Variants in UNC5D observed in about 807,000 individuals in gnomAD.
The protein encoded by UNC5D is netrin receptor UNC5D.
UNC5D carries 39 observed loss-of-function variants against 105.4 expected under a neutral mutation model. The observed-to-expected ratio is 0.37, with a 90% CI of 0.29 to 0.48. The LOEUF (loss-of-function observed/expected upper bound fraction) is 0.48. Ranked by LOEUF, UNC5D falls within the 20% of genes least tolerant of loss-of-function variation. The pLI is 0.98. For missense variants in UNC5D, 991 were observed against 1,202.4 expected (o/e 0.82, Z 2.60); for synonymous variants, 452 against 450.4 (o/e 1.00, Z -0.04).
chr8:35,690,480 A>C (rs1826316029), intron 7 of UNC5D, among the ~76,000 whole-genome samples: 6 of 152,090 alleles, frequency 3.9e-5, no homozygotes, highest in African/African-American at 1.4e-4. Flanking sequence ...AATAAAAATT[A>C]AAAAAATATA....
chr8:35,357,480 G>T (rs146898943), intron 1 of UNC5D, among the ~76,000 whole-genome samples: 139 of 152,270 alleles, frequency 9.1e-4, no homozygotes, highest in African/African-American at 3.3e-3. Context: ...TTAGGTCTCA[G>T]ATTGGATGAT....
At chr8:35,387,374 A>AAAAG (rs1245280726) in intron 1 of UNC5D, among the ~76,000 whole-genome samples, 1 of 149,508 alleles carries the variant, frequency 6.7e-6, no homozygotes, top group Admixed American at 6.7e-5. Context: ...AAAAAAAAAA[A>AAAAG]AGAGAAACGC....
chr8:35,280,359 G>A (rs1468711841), intron 1 of UNC5D, among the ~76,000 whole-genome samples: 1 of 152,188 alleles, frequency 6.6e-6, no homozygotes, highest in Non-Finnish European at 1.5e-5. Context: ...GTCTTTTGGA[G>A]AAGACAGTAG....
rs534641176 is a variant in UNC5D at position 35,708,215 on chromosome 8, A to G, written c.1117+2254A>G. On this transcript the variant is annotated intron_variant, in intron 8 of 16. Transcript: ENST00000404895. ...CAGAGTGCTCCATGAGCAGGCAGGC[A>G]GAGGCACGAGCTTAGAGTTGCGGGG... Among the ~76,000 whole-genome samples the G allele has an allele frequency of 5.9e-5, 9 of 152,350 alleles. No homozygotes were observed. In the East Asian group the frequency reaches 1.7e-3, roughly 29 times the overall value.
chr8:35,450,535 A>G (rs1057379993), intron 1 of UNC5D, among the ~76,000 whole-genome samples: 13 of 152,178 alleles, frequency 8.5e-5, no homozygotes, highest in Middle Eastern at 3.2e-3. Context: ...TCTTGCATCT[A>G]TGACACAGGT....
At chr8:35,409,342 G>T (rs1249724618) in intron 1 of UNC5D, among the ~76,000 whole-genome samples, 1 of 152,014 alleles carries the variant, frequency 6.6e-6, no homozygotes, top group Non-Finnish European at 1.5e-5. Flanking sequence ...ATTTCATTCT[G>T]CATTTCCATC....
intron 2 of UNC5D, among the ~76,000 whole-genome samples, chr8:35,551,137 T>C (rs1248352273): frequency 6.6e-6 from 1 of 151,976 alleles, no homozygotes; most frequent in Non-Finnish European, 1.5e-5. Context: ...CTGGAAGAAA[T>C]GTTGGTAAGC....
intron 1 of UNC5D, among the ~76,000 whole-genome samples, chr8:35,437,581 A>G (rs1807105218): frequency 6.6e-6 from 1 of 152,126 alleles, no homozygotes; most frequent in Non-Finnish European, 1.5e-5. Context: ...CATGAATGAT[A>G]TTTTATTGGC....
rs957993199 is a variant in UNC5D, at chr8:35,235,557, G to T, written c.-228G>T. The stretch of plus-strand genomic sequence containing the variant: ...GGGCGACTCCGGCATCCGCGCTGGC[G>T]GCAGCGGTCGCCGCGCCGTGGGAAG... On this transcript the variant is annotated 5_prime_UTR_variant, in exon 1 of 17. Transcript: ENST00000404895. 4 of 368,932 alleles carry T rather than the reference G, an allele frequency of 1.1e-5. No homozygotes were observed. The East Asian group carries it at 1.6e-4, about 15-fold the overall frequency. The allele number at this position is 368,932 out of a possible 1,614,324, so 22.9% of individuals were successfully genotyped here.
chr8:35,595,420 C>T (rs552711364), intron 3 of UNC5D, 134 bp from the exon 4 acceptor site: 2 of 705,488 alleles, frequency 2.8e-6, no homozygotes, highest in South Asian at 1.8e-5. Flanking sequence ...TTCTAGAATT[C>T]CTGGAACAAG....
chr8:35,415,029 A>T lies in UNC5D; in HGVS notation c.104-134263A>T, dbSNP rs910162255. On this transcript the variant is annotated intron_variant, in intron 1 of 16. Transcript: ENST00000404895. ...CTTAAGGTACCTGTGGGTAGACCTC[A>T]CCTTAGGTCTAAATCAGAATTTTGT... 2.0e-5 allele frequency among the ~76,000 whole-genome samples: 3 copies of T among 152,102 alleles called. No homozygotes were observed. The East Asian group carries it at 5.8e-4, about 29-fold the overall frequency.
At chr8:35,482,114 T>C (rs370264052) in intron 1 of UNC5D, among the ~76,000 whole-genome samples, 1 of 152,224 alleles carries the variant, frequency 6.6e-6, no homozygotes, top group South Asian at 2.1e-4. Context: ...AAATTTCTTG[T>C]AGCTAGACTG....
intron 4 of UNC5D, among the ~76,000 whole-genome samples, chr8:35,648,924 T>G (rs1303531059): frequency 6.6e-6 from 1 of 152,102 alleles, no homozygotes; most frequent in African/African-American, 2.4e-5. Context: ...CTGAAATATC[T>G]AACACTGATT....
intron 3 of UNC5D, among the ~76,000 whole-genome samples, chr8:35,590,132 G>C (rs962764127): frequency 6.6e-6 from 1 of 151,764 alleles, no homozygotes; most frequent in Non-Finnish European, 1.5e-5. Context: ...TTTGTTTCAC[G>C]TCCCTTCGCC....
intron 3 of UNC5D, among the ~76,000 whole-genome samples, chr8:35,575,162 T>G (rs1372098781): frequency 6.6e-6 from 1 of 152,014 alleles, no homozygotes; most frequent in East Asian, 1.9e-4. Context: ...GATAGTTATT[T>G]TGAAGGTATT....
intron 1 of UNC5D, among the ~76,000 whole-genome samples, chr8:35,533,047 C>T (rs917664233): frequency 1.1e-4 from 16 of 150,312 alleles, no homozygotes; most frequent in Non-Finnish European, 1.9e-4. Context: ...TCTCTCAGTT[C>T]GTCAAAGTCA....
At chr8:35,532,458 TTCTC>T (rs1814460956) in intron 1 of UNC5D, among the ~76,000 whole-genome samples, 1 of 103,306 alleles carries the variant, frequency 9.7e-6, no homozygotes, top group South Asian at 3.7e-4. Flanking sequence ...AACCTGACCT[TTCTC>T]TCTGGCTGCC....
chr8:35,572,889 C>T (rs889517410), intron 3 of UNC5D, among the ~76,000 whole-genome samples: 3 of 151,530 alleles, frequency 2.0e-5, no homozygotes, highest in Middle Eastern at 3.4e-3. Context: ...CTGCAAGCTC[C>T]GCCTCCAGGG....
chr8:35,266,451 G>C (rs538383496), intron 1 of UNC5D, among the ~76,000 whole-genome samples: 2 of 152,316 alleles, frequency 1.3e-5, no homozygotes, highest in East Asian at 3.9e-4. Context: ...TTGCCAAATG[G>C]TTAGGTTAAA....
Sources: gnomAD v4.1 joint callset for allele counts (sites outside exome capture counted in the v4.1 genomes callset) on GRCh38, gnomAD v4.1.1 for gene constraint, MANE v1.5 for transcripts, NCBI Gene and HGNC (gene_info 2026-07-23, HGNC 2026-07-21) for gene names.